The following UBR2 variants were observed in gnomAD, a reference collection of about 807,000 sequenced individuals.
UBR2 encodes the protein ubiquitin protein ligase E3 component n-recognin 2, also known as E3 ubiquitin-protein ligase UBR2.
A neutral mutation model predicts 247.9 loss-of-function variants in UBR2; 92 were observed. The observed-to-expected ratio is 0.37, with a 90% confidence interval of 0.31 to 0.44. The LOEUF (loss-of-function observed/expected upper bound fraction) is 0.44, where lower values mean the gene tolerates loss of function less well. UBR2 is among the 20% of genes least tolerant of loss of function. The probability of loss-of-function intolerance (pLI) is 1.00; values close to 1 mark genes in which losing one functional copy is unlikely to be tolerated. For missense variants in UBR2, 1,613 were observed against 2,112.6 expected (o/e 0.76, Z 4.64); for synonymous variants, 672 against 693.5 (o/e 0.97, Z 0.49).
At chr6:42,569,870 A>G (rs12191298) in intron 1 of UBR2, among the ~76,000 whole-genome samples, 6,217 of 152,300 alleles carry the variant, frequency 0.041, 165 homozygotes, top group Middle Eastern at 0.11. Context: ...TGTTTACTTT[A>G]GAGGAATGAG....
intron 4 of UBR2, among the ~76,000 whole-genome samples, chr6:42,600,413 T>G (rs1424057953): frequency 1.3e-5 from 2 of 152,148 alleles, no homozygotes; most frequent in Non-Finnish European, 2.9e-5. Context: ...AACTGATTTA[T>G]GCTATGAAAA....
At chr6:42,620,655 A>G (rs867491901) in intron 11 of UBR2, among the ~76,000 whole-genome samples, 2 of 150,964 alleles carry the variant, frequency 1.3e-5, no homozygotes, top group Non-Finnish European at 1.5e-5. Flanking sequence ...GGGTTTCACT[A>G]TGTTGGCCAG....
intron 42 of UBR2, among the ~76,000 whole-genome samples, chr6:42,680,802 C>T (rs1562398073): frequency 6.6e-6 from 1 of 152,302 alleles, no homozygotes; most frequent in East Asian, 1.9e-4. Flanking sequence ...GGCACAGTGG[C>T]TCACCCCTGT....
intron 21 of UBR2, among the ~76,000 whole-genome samples, chr6:42,646,839 A>G (rs1233930159): frequency 6.6e-6 from 1 of 151,310 alleles, no homozygotes; most frequent in Non-Finnish European, 1.5e-5. Flanking sequence ...AGAGAGAGAG[A>G]GAGATAGAGT....
At chr6:42,630,851 G>A (rs1157185318) in intron 11 of UBR2, among the ~76,000 whole-genome samples, 3 of 151,806 alleles carry the variant, frequency 2.0e-5, no homozygotes, top group East Asian at 1.9e-4. Flanking sequence ...TCACTCTGTC[G>A]CCCAGGCTGG....
In UBR2 at chr6:42,645,703, C is replaced by T. The variant is rs3749899; in HGVS notation, c.2409+113C>T. 1.8e-3 allele frequency: 1,990 copies of T among 1,129,962 alleles called. 14 individuals are homozygous for T. The highest frequency in any genetic ancestry group is 0.015 in the African/African-American group (931 of 63,868). 70.0% of individuals were successfully genotyped at this position (1,129,962 alleles called of 1,614,324 possible). On this transcript the variant is annotated intron_variant, in intron 21 of 46. Coordinates refer to ENST00000372901, the MANE Select transcript of UBR2 (RefSeq NM_001363705.2). The stretch of plus-strand genomic sequence containing the variant: ...TTCTCACAATTGTAAAATCTATTGT[C>T]ATGGGATGTGTATAATTCCGGTCAC...
Position 42,670,607 on chromosome 6 carries a change from A to T in UBR2, c.4031-53A>T, listed in dbSNP as rs562100442. The T allele has an allele frequency of 1.1e-4, 142 of 1,283,474 alleles. No homozygotes were observed. The African/African-American group carries it at 1.9e-3, about 17-fold the overall frequency. The allele number at this position is 1,283,474 out of a possible 1,614,324, so 79.5% of individuals were successfully genotyped here. On this transcript the variant is annotated intron_variant, in intron 35 of 46. Transcript: ENST00000372901. The stretch of plus-strand genomic sequence containing the variant: ...TTTTTAACCTTTTTAAGAAAATTAT[A>T]TTAAAATATACATAACATAACATTT...
At chr6:42,625,818 C>CTTT (rs112761416) in intron 11 of UBR2, among the ~76,000 whole-genome samples, 4 of 144,392 alleles carry the variant, frequency 2.8e-5, no homozygotes, top group Non-Finnish European at 6.1e-5. Flanking sequence ...TTTTTCCCCC[C>CTTT]TTTTTTTTTT....
At chr6:42,626,542 C>T (rs1243688506) in intron 11 of UBR2, among the ~76,000 whole-genome samples, 1 of 152,122 alleles carries the variant, frequency 6.6e-6, no homozygotes, top group Non-Finnish European at 1.5e-5. Context: ...TTTGGGGTGG[C>T]ATATTCGAGT....
intron 2 of UBR2, among the ~76,000 whole-genome samples, chr6:42,579,500 A>G (rs755298452): frequency 1.4e-4 from 21 of 152,158 alleles, no homozygotes; most frequent in Non-Finnish European, 2.5e-4. Context: ...ATTGGAATCA[A>G]TGTTGTGTTA....
At chr6:42,570,874 C>T (rs1281926533) in intron 1 of UBR2, among the ~76,000 whole-genome samples, 1 of 151,714 alleles carries the variant, frequency 6.6e-6, no homozygotes, top group African/African-American at 2.4e-5. Flanking sequence ...TTAGAAGAGA[C>T]AGGGTTTTGC....
At chr6:42,679,693 T>A (rs760464074) in intron 41 of UBR2, 31 bp from the exon 42 acceptor site, 4 of 1,490,390 alleles carry the variant, frequency 2.7e-6, no homozygotes, top group Non-Finnish European at 3.7e-6. Flanking sequence ...TTAGTTGTTA[T>A]ATGCACTCTT....
At chr6:42,612,594 AT>A (rs997366816) in intron 8 of UBR2, among the ~76,000 whole-genome samples, 5 of 149,100 alleles carry the variant, frequency 3.4e-5, no homozygotes, top group African/African-American at 7.3e-5. Context: ...TTCACAAACA[AT>A]TTTTTTTTAA....
At chr6:42,608,092 C>G (rs1218361094) in intron 7 of UBR2, among the ~76,000 whole-genome samples, 1 of 152,046 alleles carries the variant, frequency 6.6e-6, no homozygotes, top group South Asian at 2.1e-4. Context: ...CAAATACTCC[C>G]GTTATGGGCA....
At chr6:42,566,682 A>T (rs1427559244) in intron 1 of UBR2, among the ~76,000 whole-genome samples, 1 of 152,032 alleles carries the variant, frequency 6.6e-6, no homozygotes, top group East Asian at 1.9e-4. Context: ...GCCACCGCAC[A>T]CAGCCTACCC....
In UBR2 at chr6:42,665,388, ACT is replaced by A. The variant is rs758512783; in HGVS notation, c.3699-16_3699-15del. 2 of 1,548,258 alleles carry A rather than the reference ACT, an allele frequency of 1.3e-6. No homozygotes were observed. The highest frequency in any genetic ancestry group is 1.4e-5 in the African/African-American group (1 of 73,168). ...AAGGAACAATAATAAAACACTAAAT[ACT>A]CTCTATAATCTTTTCTAGCAGGTTA... On this transcript the variant is annotated intron_variant, in intron 32 of 46. Coordinates refer to ENST00000372901, the MANE Select transcript of UBR2 (RefSeq NM_001363705.2).
chr6:42,690,889 T>C lies in UBR2; in HGVS notation c.5127-143T>C, dbSNP rs557465622. On this transcript the variant is annotated intron_variant, in intron 46 of 46. Transcript: ENST00000372901. Reference sequence around the variant, plus strand: ...GGGTCAGAGCTGATGTTTTTGTTAATAGCCACAGTCACCTGCCAGACAGAA... The same window carrying C: ...GGGTCAGAGCTGATGTTTTTGTTAACAGCCACAGTCACCTGCCAGACAGAA... The C allele has an allele frequency of 1.3e-4, 129 of 1,019,036 alleles. 2 individuals carry two copies. The South Asian group carries it at 2.1e-3, about 16-fold the overall frequency. The allele number at this position is 1,019,036 out of a possible 1,614,324, so 63.1% of individuals were successfully genotyped here.
intron 11 of UBR2, among the ~76,000 whole-genome samples, chr6:42,632,176 G>C (rs1003444043): frequency 6.6e-6 from 1 of 150,864 alleles, no homozygotes; most frequent in Non-Finnish European, 1.5e-5. Flanking sequence ...CTGAGTTCTA[G>C]AGAATCTGTG....
intron 18 of UBR2, among the ~76,000 whole-genome samples, chr6:42,643,107 T>TA (rs1315644798): frequency 6.6e-6 from 1 of 152,122 alleles, no homozygotes; most frequent in Non-Finnish European, 1.5e-5. Context: ...GTGAGGACCC[T>TA]AGCATGGTAT....
Sources: gnomAD v4.1 joint callset for allele counts (sites outside exome capture counted in the v4.1 genomes callset) on GRCh38, gnomAD v4.1.1 for gene constraint, MANE v1.5 for transcripts, NCBI Gene and HGNC (gene_info 2026-07-23, HGNC 2026-07-21) for gene names.